Variants in TRPS1 observed in about 807,000 individuals in gnomAD.
TRPS1 encodes the protein transcriptional repressor GATA binding 1.
TRPS1 carries 6 observed loss-of-function variants against 101.2 expected under a neutral mutation model. That is an observed-to-expected ratio of 0.06 (90% CI 0.03 to 0.12). The LOEUF is 0.12. Among genes scored for constraint, TRPS1 ranks in the 10% least tolerant of loss-of-function variants. The pLI, the probability that TRPS1 is intolerant of heterozygous loss-of-function variation, is 1.00. For synonymous variants in TRPS1, 578 were observed against 589.8 expected (o/e 0.98, Z 0.29); for missense variants, 1,363 against 1,567.0 (o/e 0.87, Z 2.20).
chr8:115,615,693 G>A (rs765605074), intron 3 of TRPS1, among the ~76,000 whole-genome samples: 1 of 152,082 alleles, frequency 6.6e-6, no homozygotes, highest in Non-Finnish European at 1.5e-5. Context: ...CCTGGGAGGC[G>A]GAGGTTGCAG....
At chr8:115,506,540 A>T (rs565417222) in intron 5 of TRPS1, among the ~76,000 whole-genome samples, 5 of 152,102 alleles carry the variant, frequency 3.3e-5, no homozygotes, top group Non-Finnish European at 5.9e-5. Flanking sequence ...ATATATATAA[A>T]GCATTTAGAG....
intron 5 of TRPS1, among the ~76,000 whole-genome samples, chr8:115,478,380 A>C (rs1020235336): frequency 5.9e-5 from 9 of 152,254 alleles, no homozygotes; most frequent in African/African-American, 2.2e-4. Flanking sequence ...CACATAGTAA[A>C]TTGAATCATA....
chr8:115,501,076 C>T (rs545644216), intron 5 of TRPS1, among the ~76,000 whole-genome samples: 21 of 152,220 alleles, frequency 1.4e-4, no homozygotes, highest in African/African-American at 4.8e-4. Context: ...CTCTATCCTC[C>T]CTTGTTTTCA....
At chr8:115,502,745 TA>T (rs1815348695) in intron 5 of TRPS1, among the ~76,000 whole-genome samples, 4 of 152,162 alleles carry the variant, frequency 2.6e-5, no homozygotes, top group Non-Finnish European at 5.9e-5. Flanking sequence ...TTTATACACA[TA>T]CACACATACA....
At chr8:115,607,575 C>T (rs931052650) in intron 3 of TRPS1, among the ~76,000 whole-genome samples, 9 of 151,688 alleles carry the variant, frequency 5.9e-5, no homozygotes, top group Non-Finnish European at 1.2e-4. Flanking sequence ...TGAAAACTCA[C>T]GGATCTCATT....
intron 4 of TRPS1, among the ~76,000 whole-genome samples, chr8:115,593,966 C>T (rs1379921195): frequency 6.6e-6 from 1 of 152,160 alleles, no homozygotes; most frequent in Non-Finnish European, 1.5e-5. Flanking sequence ...AAAGCTCACA[C>T]ATCTATTGAT....
intron 5 of TRPS1, among the ~76,000 whole-genome samples, chr8:115,531,612 T>G (rs918119319): frequency 6.6e-6 from 1 of 152,080 alleles, no homozygotes; most frequent in African/African-American, 2.4e-5. Flanking sequence ...GAAGACAGGT[T>G]AGGAAAGAAG....
intron 1 of TRPS1, among the ~76,000 whole-genome samples, chr8:115,663,249 C>CTT (rs111334281): frequency 2.7e-5 from 4 of 145,658 alleles, no homozygotes; most frequent in Admixed American, 6.9e-5. Flanking sequence ...CTTACTTGAA[C>CTT]TTTTTTTTTT....
At chr8:115,481,659 A>G (rs1266209739) in intron 5 of TRPS1, among the ~76,000 whole-genome samples, 3 of 152,182 alleles carry the variant, frequency 2.0e-5, no homozygotes, top group Non-Finnish European at 4.4e-5. Context: ...TCAAATAAAG[A>G]GGATAACTAT....
chr8:115,537,573 A>G (rs575909654), intron 5 of TRPS1, among the ~76,000 whole-genome samples: 1 of 152,324 alleles, frequency 6.6e-6, no homozygotes. Context: ...TATTATAATA[A>G]CTTGTCTTCT....
chr8:115,587,084 C>G lies in TRPS1; in HGVS notation c.2617G>C (p.Gly873Arg). 6.2e-7 allele frequency: 1 copy of G among 1,614,148 alleles called. No homozygotes were observed. The highest frequency in any genetic ancestry group is 8.5e-7 in the Non-Finnish European group (1 of 1,180,018). ...KGFLQGAPAG[G>R]EKSGALPQQY... ...TGGGGGAGGGCCCCAGACTTCTCTC[C>G]GCCAGCTGGCGCCCCCTGCAGGAAT... Residue 873 changes from glycine to arginine, a missense_variant, in exon 5 of 7, where the codon GGA (glycine) becomes CGA (arginine). Gly to Arg is a moderately radical substitution (Grantham distance 125). Coordinates refer to ENST00000395715, the MANE Select transcript of TRPS1 (RefSeq NM_014112.5).
intron 5 of TRPS1, among the ~76,000 whole-genome samples, chr8:115,498,364 A>T (rs10112223): frequency 1 from 137,393 of 137,438 alleles, 68,674 homozygotes; most frequent in Middle Eastern, 1. Flanking sequence ...GGCAACAAAG[A>T]GAGAGCCCGT....
intron 1 of TRPS1, among the ~76,000 whole-genome samples, chr8:115,641,628 A>G (rs1818897087): frequency 1.3e-5 from 2 of 152,132 alleles, no homozygotes; most frequent in Non-Finnish European, 1.5e-5. Flanking sequence ...TGAAAACTCC[A>G]TTTTCATTTG....
At chr8:115,633,518 AC>A (rs1818696948) in intron 1 of TRPS1, among the ~76,000 whole-genome samples, 1 of 152,164 alleles carries the variant, frequency 6.6e-6, no homozygotes, top group Non-Finnish European at 1.5e-5. Flanking sequence ...ACTTATTATG[AC>A]CAGCCATTTG....
chr8:115,630,159 T>A (rs1411380706), intron 1 of TRPS1, among the ~76,000 whole-genome samples: 1 of 151,960 alleles, frequency 6.6e-6, no homozygotes. Context: ...CCTGAGAGGA[T>A]GACCACAAGT....
At chr8:115,661,749 T>A (rs1016222236) in intron 1 of TRPS1, 10 of 113,418 alleles carry the variant, frequency 8.8e-5, no homozygotes, top group African/African-American at 4.6e-4. Context: ...AATTGATGGA[T>A]TTTTTTTTTT....
chr8:115,660,248 CATGTT>C (rs1262480233), intron 1 of TRPS1, among the ~76,000 whole-genome samples: 2 of 151,936 alleles, frequency 1.3e-5, no homozygotes, highest in Non-Finnish European at 1.5e-5. Context: ...TCAGGAAGCA[CATGTT>C]ATATTATTAA....
At chr8:115,656,269 C>T (rs1454017066) in intron 1 of TRPS1, among the ~76,000 whole-genome samples, 2 of 152,068 alleles carry the variant, frequency 1.3e-5, no homozygotes, top group African/African-American at 2.4e-5. Context: ...GAATGCCGAT[C>T]GTCTCATGCA....
intron 5 of TRPS1, among the ~76,000 whole-genome samples, chr8:115,474,339 C>T (rs989601152): frequency 6.6e-6 from 1 of 151,688 alleles, no homozygotes; most frequent in Non-Finnish European, 1.5e-5. Context: ...TTGTTTAGGA[C>T]TATAAAAAAA....
Sources: allele counts gnomAD v4.1 joint callset (sites outside exome capture counted in the v4.1 genomes callset), GRCh38; gene constraint gnomAD v4.1.1; transcripts MANE v1.5; gene names NCBI Gene and HGNC (gene_info 2026-07-23, HGNC 2026-07-21).